The following AK3 variants were observed in gnomAD, a reference collection of about 807,000 sequenced individuals.
AK3 encodes the protein adenylate kinase 3, also known as GTP:AMP phosphotransferase AK3, mitochondrial.
A neutral mutation model predicts 23.7 loss-of-function variants in AK3; 27 were observed. That is an observed-to-expected ratio of 1.14 (90% CI 0.84 to 1.57). The LOEUF (loss-of-function observed/expected upper bound fraction) is 1.57, where lower values mean the gene tolerates loss of function less well. Ranked by LOEUF, AK3 falls within the 40% of genes most tolerant of loss-of-function variation. AK3 has a pLI of 0.00. For missense variants in AK3, 406 were observed against 285.6 expected, an observed-to-expected ratio of 1.42 and a Z score of -3.04; for synonymous variants, 159 against 116.0, an observed-to-expected ratio of 1.37 and a Z score of -2.38.
At chr9:4,724,925 C>G (rs1161569706) in intron 1 of AK3, among the ~76,000 whole-genome samples, 1 of 151,846 alleles carries the variant, frequency 6.6e-6, no homozygotes, top group Non-Finnish European at 1.5e-5. Flanking sequence ...AAATAAATAT[C>G]CAGATGAAAA....
chr9:4,717,363 T>C (rs1246457260), intron 4 of AK3, among the ~76,000 whole-genome samples: 3 of 152,226 alleles, frequency 2.0e-5, no homozygotes, highest in Non-Finnish European at 2.9e-5. Flanking sequence ...ACGGTTCCTA[T>C]ACGTGTTGCA....
chr9:4,718,460 C>A lies in AK3; in HGVS notation c.522G>T (p.Lys174Asn), dbSNP rs766390444. The stretch of plus-strand genomic sequence containing the variant: ...CTGGCTTTGTTTGGTCTTCATAAGC[C>A]TTTAGTCTCTTGATAACCGTCTCTG... The part of the protein sequence containing the change: ...DKPETVIKRL[K>N]AYEDQTKPVL... The change falls in exon 4 of 5, where the codon AAG becomes AAT. Residue 174 changes from lysine to asparagine, a missense_variant. Coordinates refer to ENST00000381809, the MANE Select transcript of AK3 (RefSeq NM_016282.4). The A allele has an allele frequency of 2.6e-5, 42 of 1,613,232 alleles. No homozygotes were observed. The highest frequency in any genetic ancestry group is 3.5e-5 in the Non-Finnish European group (41 of 1,179,812).
rs142691641 is a variant in AK3, at chr9:4,740,962, G to C, written c.126C>G (p.Leu42=). Residue 42 remains leucine (L), a synonymous_variant, in exon 1 of 5, where the codon CTC becomes CTG. Transcript: ENST00000381809. ...CTGTGCCCCGCAGCATGTTGTCCCGGAGCAGGTCCCCGCTGGAGAGGTGCT... is the reference window on the plus strand; with the variant it reads ...CTGTGCCCCGCAGCATGTTGTCCCGCAGCAGGTCCCCGCTGGAGAGGTGCT... ...ELKHLSSGDL[L]RDNMLRGTEI... The C allele has an allele frequency of 1.1e-3, 1,709 of 1,583,244 alleles. 22 individuals are homozygous for C. The African/African-American group carries it at 0.022, about 20-fold the overall frequency.
chr9:4,722,678 C>G (rs1841932069), intron 1 of AK3, 53 bp from the exon 2 acceptor site: 1 of 1,611,214 alleles, frequency 6.2e-7, no homozygotes, highest in Middle Eastern at 1.7e-4. Flanking sequence ...TATCCCATTC[C>G]AGGCACCTCG....
intron 1 of AK3, among the ~76,000 whole-genome samples, chr9:4,729,189 T>C (rs1842096984): frequency 6.6e-6 from 1 of 151,824 alleles, no homozygotes; most frequent in African/African-American, 2.4e-5. Context: ...TCTGTATTTT[T>C]AGTAGGGACA....
chr9:4,738,260 G>C (rs1049567727), intron 1 of AK3, among the ~76,000 whole-genome samples: 5 of 152,158 alleles, frequency 3.3e-5, no homozygotes, highest in African/African-American at 9.7e-5. Flanking sequence ...CCGCCTCCCA[G>C]TTTCAAGTGA....
chr9:4,724,967 A>G (rs893177506), intron 1 of AK3, among the ~76,000 whole-genome samples: 3 of 152,184 alleles, frequency 2.0e-5, no homozygotes, highest in African/African-American at 7.2e-5. Context: ...CATGCATAAA[A>G]ATTAACTCAA....
At chr9:4,741,945 G>A (rs911692290), upstream of AK3, 3 of 152,174 alleles carry the variant, frequency 2.0e-5, no homozygotes, top group African/African-American at 7.2e-5. Context: ...GAATCACAGG[G>A]AGTGACCTTG....
intron 1 of AK3, among the ~76,000 whole-genome samples, chr9:4,738,867 G>A (rs1842358239): frequency 6.7e-6 from 1 of 149,036 alleles, no homozygotes; most frequent in African/African-American, 2.5e-5. Context: ...TGCATCCCGG[G>A]CTCAAGTGAT....
chr9:4,722,165 G>T (rs975869507), intron 2 of AK3, among the ~76,000 whole-genome samples: 1 of 152,068 alleles, frequency 6.6e-6, no homozygotes. Flanking sequence ...TCAAGGATTC[G>T]GCCATACTCC....
In AK3 at chr9:4,718,318, G is replaced by C; in HGVS notation, c.563+101C>G. ...TTATTACTTAAGCCCATGTGAACTGGGTCTTTTGGCATTTTAGCATTTCAG... is the reference window on the plus strand; with the variant it reads ...TTATTACTTAAGCCCATGTGAACTGCGTCTTTTGGCATTTTAGCATTTCAG... On this transcript the variant is annotated intron_variant, in intron 4 of 4. Coordinates refer to ENST00000381809, the MANE Select transcript of AK3 (RefSeq NM_016282.4). The C allele has an allele frequency of 3.6e-6, 3 of 836,154 alleles. No homozygotes were observed. The South Asian group carries it at 4.4e-5, about 12-fold the overall frequency. The allele number at this position is 836,154 out of a possible 1,614,324, so 51.8% of individuals were successfully genotyped here.
rs1841928544 is a variant in AK3, at chr9:4,722,590, C to T, written c.187G>A (p.Gly63Arg). Reference protein sequence around the residue: ...GVLAKAFIDQGKLIPDDVMTR... With the variant: ...GVLAKAFIDQRKLIPDDVMTR... The stretch of plus-strand genomic sequence containing the variant: ...ATGACATCATCTGGGATGAGTTTCC[C>T]TTGGTCAATGAAAGCCTTGGCTAAC... Residue 63 changes from glycine to arginine, a missense_variant, in exon 2 of 5, where the codon GGG becomes AGG. Transcript: ENST00000381809. 6.2e-7 allele frequency: 1 copy of T among 1,614,072 alleles called. No homozygotes were observed. The highest frequency in any genetic ancestry group is 2.2e-5 in the East Asian group (1 of 44,886).
chr9:4,720,501 T>C (rs572050861), intron 2 of AK3, among the ~76,000 whole-genome samples: 9 of 152,062 alleles, frequency 5.9e-5, no homozygotes, highest in African/African-American at 1.9e-4. Flanking sequence ...CTGGGCAACA[T>C]AGCAAGACCC....
intron 1 of AK3, among the ~76,000 whole-genome samples, chr9:4,732,870 CTTTT>C (rs145499793): frequency 2.1e-5 from 3 of 142,376 alleles, no homozygotes; most frequent in Admixed American, 1.4e-4. Context: ...CTCTCTCTCT[CTTTT>C]TTTTTTTTTT....
upstream of AK3, chr9:4,742,041 T>G (rs1587667311): frequency 6.6e-6 from 1 of 152,220 alleles, no homozygotes; most frequent in Non-Finnish European, 1.5e-5. Flanking sequence ...TAAAAGAGTG[T>G]GTGAAACTGT....
intron 1 of AK3, among the ~76,000 whole-genome samples, chr9:4,737,634 G>A (rs1220757475): frequency 1.3e-5 from 2 of 152,242 alleles, no homozygotes; most frequent in East Asian, 1.9e-4. Context: ...CAGGAGAATC[G>A]CTTGAACCCA....
chr9:4,735,006 T>G (rs1236659191), intron 1 of AK3, among the ~76,000 whole-genome samples: 1 of 151,498 alleles, frequency 6.6e-6, no homozygotes, highest in Non-Finnish European at 1.5e-5. Flanking sequence ...TGGAGGGGTG[T>G]GGGGTAGGAA....
chr9:4,724,837 T>A (rs951691259), intron 1 of AK3, among the ~76,000 whole-genome samples: 6 of 151,964 alleles, frequency 3.9e-5, no homozygotes, highest in African/African-American at 1.2e-4. Context: ...TTCAAATTTA[T>A]AGTAAACTGA....
At position 4,741,199 on chromosome 9, in the gene AK3, T is replaced by C; in HGVS notation, c.-112A>G. ...GCTAGCAGCGCCACTAGCAGGCGGCTACTGCGGTTCCCCGGCGTTCCCGGA... is the reference window on the plus strand; with the variant it reads ...GCTAGCAGCGCCACTAGCAGGCGGCCACTGCGGTTCCCCGGCGTTCCCGGA... On this transcript the variant is annotated 5_prime_UTR_variant, in exon 1 of 5. Coordinates refer to ENST00000381809, the MANE Select transcript of AK3 (RefSeq NM_016282.4). 2.5e-6 allele frequency: 3 copies of C among 1,200,366 alleles called. No homozygotes were observed. Among genetic ancestry groups the C allele is most frequent in the Non-Finnish European group, 3.2e-6 (3 of 930,090 alleles). The allele number at this position is 1,200,366 out of a possible 1,614,324, so 74.4% of individuals were successfully genotyped here.
Sources: gnomAD v4.1 joint callset for allele counts (sites outside exome capture counted in the v4.1 genomes callset) on GRCh38, gnomAD v4.1.1 for gene constraint, MANE v1.5 for transcripts, NCBI Gene and HGNC (gene_info 2026-07-23, HGNC 2026-07-21) for gene names.